Variants in GBP3 observed in about 807,000 individuals in gnomAD.
The protein encoded by GBP3 is guanylate-binding protein 3.
Under a neutral mutation model 62.4 loss-of-function variants are expected in GBP3, and 55 were observed. The observed-to-expected ratio is 0.88, with a 90% confidence interval of 0.71 to 1.10. The LOEUF (loss-of-function observed/expected upper bound fraction) is 1.10, where lower values mean the gene tolerates loss of function less well. Among genes scored for constraint, GBP3 ranks in the 50% least tolerant of loss-of-function variants. The probability of loss-of-function intolerance (pLI) is 0.00; values close to 1 mark genes in which losing one functional copy is unlikely to be tolerated. For synonymous variants in GBP3, 208 were observed against 259.2 expected, an observed-to-expected ratio of 0.80 and a Z score of 1.90; for missense variants, 605 against 690.6, an observed-to-expected ratio of 0.88 and a Z score of 1.39.
chr1:89,021,485 C>T (rs1176176618), intron 1 of GBP3, among the ~76,000 whole-genome samples: 4 of 147,208 alleles, frequency 2.7e-5, no homozygotes, highest in Admixed American at 2.1e-4. Context: ...CTGAATGTTG[C>T]TAAGAAACAC....
chr1:89,009,426 G>T lies in GBP3; in HGVS notation c.1431C>A (p.Asp477Glu). 1 of 1,614,020 alleles carries T rather than the reference G, an allele frequency of 6.2e-7. No individual in the cohort carries two copies. Among genetic ancestry groups the T allele is most frequent in the Non-Finnish European group, 8.5e-7 (1 of 1,179,982 alleles). The change falls in exon 9 of 11, where the codon GAC (aspartate) becomes GAA (glutamate). Residue 477 changes from aspartate to glutamate, a missense_variant. Coordinates refer to ENST00000370481, the MANE Select transcript of GBP3 (RefSeq NM_018284.3). ...ESVTDAILQT[D>E]QILTEKEKEI... Reference sequence around the variant, plus strand: ...CCTTTTCCTTTTCTGTGAGAATCTGGTCTGTCTGTAGAATTGCATCGGTCA... The same window carrying T: ...CCTTTTCCTTTTCTGTGAGAATCTGTTCTGTCTGTAGAATTGCATCGGTCA...
chr1:89,019,011 G>A (rs552083267), intron 2 of GBP3, among the ~76,000 whole-genome samples: 1 of 152,352 alleles, frequency 6.6e-6, no homozygotes, highest in South Asian at 2.1e-4. Context: ...GTGCATTTCT[G>A]TTGGGAATGC....
intron 1 of GBP3, among the ~76,000 whole-genome samples, chr1:89,021,044 T>A (rs961137330): frequency 1.2e-4 from 18 of 152,120 alleles, no homozygotes; most frequent in African/African-American, 4.3e-4. Context: ...GAAGATAAAA[T>A]AGGATATAGA....
chr1:89,021,846 G>C (rs1166093319), intron 1 of GBP3, among the ~76,000 whole-genome samples: 1 of 123,848 alleles, frequency 8.1e-6, no homozygotes, highest in African/African-American at 3.0e-5. Flanking sequence ...TGCCAGCAAG[G>C]GAGATGTCAG....
intron 2 of GBP3, among the ~76,000 whole-genome samples, chr1:89,018,500 G>T (rs994950774): frequency 6.6e-6 from 1 of 152,172 alleles, no homozygotes; most frequent in Non-Finnish European, 1.5e-5. Flanking sequence ...CTAGCTTCAC[G>T]TCTTGTTTCT....
intron 9 of GBP3, 98 bp from the exon 10 acceptor site, chr1:89,009,238 T>A: frequency 1.4e-6 from 2 of 1,380,056 alleles, no homozygotes; most frequent in South Asian, 2.5e-5. Context: ...GCATATGCCC[T>A]ACTCAGAGAT....
intron 2 of GBP3, among the ~76,000 whole-genome samples, chr1:89,019,731 A>G (rs1024987503): frequency 2.0e-5 from 3 of 152,224 alleles, no homozygotes; most frequent in African/African-American, 7.2e-5. Context: ...TGGAATGTAG[A>G]ATTGTGGCAG....
At chr1:89,008,185 C>T (rs1039019078) in intron 10 of GBP3, among the ~76,000 whole-genome samples, 21 of 151,846 alleles carry the variant, frequency 1.4e-4, no homozygotes, top group Non-Finnish European at 2.5e-4. Context: ...CTTTTTAACA[C>T]ACCTACCTAC....
intron 8 of GBP3, among the ~76,000 whole-genome samples, chr1:89,010,480 T>A (rs565734229): frequency 7.3e-6 from 1 of 137,464 alleles, no homozygotes; most frequent in Admixed American, 7.5e-5. Flanking sequence ...AGTGCTGAGG[T>A]GCAATCTTGG....
At position 89,014,267 on chromosome 1, in the gene GBP3, C is replaced by T; in HGVS notation, c.441G>A (p.Glu147=). The T allele has an allele frequency of 1.2e-6, 2 of 1,614,204 alleles. No homozygotes were observed. Among genetic ancestry groups the T allele is most frequent in the Non-Finnish European group, 1.7e-6 (2 of 1,180,022 alleles). Residue 147 remains glutamate, a synonymous_variant, in exon 5 of 11, where the codon GAG becomes GAA. Coordinates refer to ENST00000370481, the MANE Select transcript of GBP3 (RefSeq NM_018284.3). ...ATTTTGATCGGATTCGATGTGTCAGCTCTGTCACATAGCTGAGTAGCTAAC... is the reference window on the plus strand; with the variant it reads ...ATTTTGATCGGATTCGATGTGTCAGTTCTGTCACATAGCTGAGTAGCTAAC... ...QAMDQLYYVT[E]LTHRIRSKSS...
At chr1:89,018,066 G>A (rs897602657) in intron 2 of GBP3, among the ~76,000 whole-genome samples, 43 of 150,346 alleles carry the variant, frequency 2.9e-4, no homozygotes, top group African/African-American at 9.9e-4. Context: ...GTGACAGAGT[G>A]AGACTGTGTC....
At chr1:89,010,487 T>G (rs1678496128) in intron 8 of GBP3, among the ~76,000 whole-genome samples, 1 of 137,100 alleles carries the variant, frequency 7.3e-6, no homozygotes, top group African/African-American at 2.5e-5. Flanking sequence ...AGGTGCAATC[T>G]TGGCTCACTG....
At chr1:89,021,510 GCACA>G (rs1553178198) in intron 1 of GBP3, among the ~76,000 whole-genome samples, 107 of 131,716 alleles carry the variant, frequency 8.1e-4, no homozygotes, top group South Asian at 2.3e-3. Flanking sequence ...GCGCGCGCGC[GCACA>G]CACACACACA....
rs575790964 is a variant in GBP3 at position 89,012,170 on chromosome 1, T to C, written c.869-143A>G. The C allele has an allele frequency of 2.5e-5, 22 of 885,258 alleles. 4 individuals carry two copies. The East Asian group carries it at 5.8e-4, about 23-fold the overall frequency. 54.8% of individuals were successfully genotyped at this position (885,258 alleles called of 1,614,324 possible). A position where few individuals can be genotyped will look rare whatever the true frequency, so the allele number is the denominator to read the frequency against. ...CATCTGGAAGCTTGCTGGAAATGCC[T>C]ATTGTTAGCCTCTGTCCCAGATCTA... On this transcript the variant is annotated intron_variant, in intron 6 of 10. Transcript: ENST00000370481.
chr1:89,007,927 C>G, intron 10 of GBP3, 75 bp from the exon 11 acceptor site: 1 of 1,380,652 alleles, frequency 7.2e-7, no homozygotes, highest in Non-Finnish European at 9.9e-7. Flanking sequence ...TTTCCACATG[C>G]ATTGATTTAT....
chr1:89,007,845 G>T lies in GBP3; in HGVS notation c.1667C>A (p.Ala556Asp). 6.2e-7 allele frequency: 1 copy of T among 1,611,494 alleles called. No homozygotes were observed. The highest frequency in any genetic ancestry group is 1.1e-5 in the South Asian group (1 of 90,234). The change falls in exon 11 of 11, where the codon GCC becomes GAC. Residue 556 changes from alanine (A) to aspartate (D), a missense_variant. Transcript: ENST00000370481. ...KTLTSKLQEQ[A>D]RVLKERCQGE... is the part of the protein sequence containing the mutation. ...TTGGCATCTCTCCTTTAGTACTCGGGCCTGTTCCTAAAAAGGGACAAATGG... is the reference window on the plus strand; with the variant it reads ...TTGGCATCTCTCCTTTAGTACTCGGTCCTGTTCCTAAAAAGGGACAAATGG...
Position 89,022,752 on chromosome 1 carries a change from G to C in GBP3, c.-91C>G, listed in dbSNP as rs1301745747. Reference sequence around the variant, plus strand: ...TCTCTTTTCTTTCGCTGGATCGCTGGACTTTTATTTCACCCCTTCAGTGTT... The same window carrying C: ...TCTCTTTTCTTTCGCTGGATCGCTGCACTTTTATTTCACCCCTTCAGTGTT... On this transcript the variant is annotated 5_prime_UTR_variant, in exon 1 of 11. Coordinates refer to ENST00000370481, the MANE Select transcript of GBP3 (RefSeq NM_018284.3). The C allele has an allele frequency of 6.6e-6, 1 of 152,160 alleles. No individual in the cohort carries two copies. Among genetic ancestry groups the C allele is most frequent in the Non-Finnish European group, 1.5e-5 (1 of 68,042 alleles). 9.4% of individuals were successfully genotyped at this position (152,160 alleles called of 1,614,324 possible). A position where few individuals can be genotyped will look rare whatever the true frequency, so the allele number is the denominator to read the frequency against.
chr1:89,022,645 G>C (rs981396768), intron 1 of GBP3, 39 bp downstream of exon 1: 3 of 152,206 alleles, frequency 2.0e-5, no homozygotes, highest in African/African-American at 7.2e-5. Flanking sequence ...CTGAGCTGAG[G>C]TACTTCAGAG....
At chr1:89,009,198 T>C in intron 9 of GBP3, 58 bp from the exon 10 acceptor site, 2 of 1,542,118 alleles carry the variant, frequency 1.3e-6, no homozygotes, top group Non-Finnish European at 1.8e-6. Flanking sequence ...TTCTTAGTTA[T>C]ACACTTACCC....
Sources: gnomAD v4.1 joint callset for allele counts (sites outside exome capture counted in the v4.1 genomes callset) on GRCh38, gnomAD v4.1.1 for gene constraint, MANE v1.5 for transcripts, NCBI Gene and HGNC (gene_info 2026-07-23, HGNC 2026-07-21) for gene names.